Variants in SH3GL2 observed in about 807,000 individuals in gnomAD.
SH3GL2 encodes SH3 domain containing GRB2 like 2, endophilin A1.
In SH3GL2, 24 loss-of-function variants were observed where a neutral mutation model predicts 46.0. That is an observed-to-expected ratio of 0.52 (90% CI 0.38 to 0.73). The LOEUF (loss-of-function observed/expected upper bound fraction) is 0.73, where lower values mean the gene tolerates loss of function less well. SH3GL2 is among the 30% of genes least tolerant of loss of function. SH3GL2 has a pLI of 0.00. For synonymous variants in SH3GL2, 196 were observed against 147.1 expected, an observed-to-expected ratio of 1.33 and a Z score of -2.40; for missense variants, 413 against 424.2, an observed-to-expected ratio of 0.97 and a Z score of 0.23.
At chr9:17,646,155 T>G (rs565516883) in intron 1 of SH3GL2, among the ~76,000 whole-genome samples, 1 of 151,962 alleles carries the variant, frequency 6.6e-6, no homozygotes, top group Admixed American at 6.6e-5. Context: ...TTCTTCTGCT[T>G]GATCGATTTG....
In SH3GL2 at chr9:17,659,686, A is replaced by G. The variant is rs185977793; in HGVS notation, c.45+80399A>G. On this transcript the variant is annotated intron_variant, in intron 1 of 8. Coordinates refer to ENST00000380607, the MANE Select transcript of SH3GL2 (RefSeq NM_003026.5). The stretch of plus-strand genomic sequence containing the variant: ...ACTCTCAGAGTTTACTGATTATTTC[A>G]TCAGATGTGGCTCAGAATTAGTGTT... 2.0e-5 allele frequency among the ~76,000 whole-genome samples: 3 copies of G among 152,296 alleles called. No homozygotes were observed. The East Asian group carries it at 5.8e-4, about 29-fold the overall frequency.
chr9:17,665,750 G>A (rs1820326112), intron 1 of SH3GL2, among the ~76,000 whole-genome samples: 1 of 151,582 alleles, frequency 6.6e-6, no homozygotes, highest in African/African-American at 2.4e-5. Flanking sequence ...ACTGGAGAGT[G>A]GTGTTCAGGT....
intron 1 of SH3GL2, among the ~76,000 whole-genome samples, chr9:17,641,694 G>C (rs531827966): frequency 1.3e-5 from 2 of 152,192 alleles, no homozygotes; most frequent in South Asian, 4.2e-4. Flanking sequence ...TGTGGTGTTT[G>C]GTTTTCTGTT....
intron 1 of SH3GL2, among the ~76,000 whole-genome samples, chr9:17,735,526 A>G (rs1160494193): frequency 1.3e-5 from 2 of 151,932 alleles, no homozygotes; most frequent in Admixed American, 6.6e-5. Context: ...TTTTTTTTTC[A>G]ACCAAACGTG....
At position 17,636,409 on chromosome 9, in the gene SH3GL2, C is replaced by T. The variant is rs140077841; in HGVS notation, c.45+57122C>T. On this transcript the variant is annotated intron_variant, in intron 1 of 8. Coordinates refer to ENST00000380607, the MANE Select transcript of SH3GL2 (RefSeq NM_003026.5). ...TCCAAACAATATTATATTGCCCTTCCTGCTAAACTGTTTGTGTACGGAAAC... is the reference window on the plus strand; with the variant it reads ...TCCAAACAATATTATATTGCCCTTCTTGCTAAACTGTTTGTGTACGGAAAC... 2.5e-3 allele frequency among the ~76,000 whole-genome samples: 380 copies of T among 152,208 alleles called. 1 individual carries two copies. Among genetic ancestry groups the T allele is most frequent in the Non-Finnish European group, 4.5e-3 (307 of 68,012 alleles).
At chr9:17,606,393 AC>A (rs1212108073) in intron 1 of SH3GL2, among the ~76,000 whole-genome samples, 1 of 151,944 alleles carries the variant, frequency 6.6e-6, no homozygotes, top group Non-Finnish European at 1.5e-5. Flanking sequence ...GCCCGCTCAG[AC>A]CCCACAACTC....
chr9:17,709,437 C>A (rs1279344252), intron 1 of SH3GL2, among the ~76,000 whole-genome samples: 1 of 151,884 alleles, frequency 6.6e-6, no homozygotes, highest in African/African-American at 2.4e-5. Context: ...TGATACCCCT[C>A]AGCAGAGAGA....
intron 2 of SH3GL2, among the ~76,000 whole-genome samples, chr9:17,757,899 C>A (rs902675434): frequency 6.6e-6 from 1 of 152,148 alleles, no homozygotes; most frequent in Admixed American, 6.5e-5. Flanking sequence ...AAGGCACATT[C>A]AGGGGTCTCA....
At chr9:17,627,731 A>T (rs1040195689) in intron 1 of SH3GL2, among the ~76,000 whole-genome samples, 1 of 152,236 alleles carries the variant, frequency 6.6e-6, no homozygotes, top group African/African-American at 2.4e-5. Flanking sequence ...AACTGTGTAG[A>T]CAAAGGATAA....
intron 1 of SH3GL2, among the ~76,000 whole-genome samples, chr9:17,660,495 A>G (rs1377809137): frequency 1.3e-5 from 2 of 152,216 alleles, no homozygotes; most frequent in East Asian, 3.9e-4. Flanking sequence ...ATGTTGCACT[A>G]GGTGTGATAT....
chr9:17,705,733 A>G (rs1471344649), intron 1 of SH3GL2, among the ~76,000 whole-genome samples: 10 of 152,016 alleles, frequency 6.6e-5, no homozygotes, highest in African/African-American at 2.2e-4. Flanking sequence ...GTTCAGGTAT[A>G]AGTGGGAGCT....
At chr9:17,641,536 AC>A (rs1270586465) in intron 1 of SH3GL2, among the ~76,000 whole-genome samples, 3 of 152,122 alleles carry the variant, frequency 2.0e-5, no homozygotes, top group Non-Finnish European at 4.4e-5. Flanking sequence ...AGTTTGCTGC[AC>A]CCATCAACCC....
At chr9:17,743,148 A>G (rs1440169114) in intron 1 of SH3GL2, among the ~76,000 whole-genome samples, 1 of 152,220 alleles carries the variant, frequency 6.6e-6, no homozygotes, top group Admixed American at 6.5e-5. Context: ...TGCATAAAAC[A>G]AAAGGAAGTT....
chr9:17,634,319 T>C lies in SH3GL2; in HGVS notation c.45+55032T>C, dbSNP rs568933766. Among the ~76,000 whole-genome samples the C allele has an allele frequency of 5.3e-5, 8 of 152,008 alleles. No homozygotes were observed. The South Asian group carries it at 1.0e-3, about 20-fold the overall frequency. ...TTGTTACCAGGGTATTCCTTTTAAC[T>C]ATGAGAAATCAGAAAAATACAGAAA... On this transcript the variant is annotated intron_variant, in intron 1 of 8. Transcript: ENST00000380607.
At chr9:17,732,999 C>G (rs1464357366) in intron 1 of SH3GL2, among the ~76,000 whole-genome samples, 1 of 152,052 alleles carries the variant, frequency 6.6e-6, no homozygotes, top group Non-Finnish European at 1.5e-5. Flanking sequence ...TCACTTCACT[C>G]CCCACGTCCT....
At chr9:17,593,678 A>G (rs935061626) in intron 1 of SH3GL2, among the ~76,000 whole-genome samples, 1 of 152,164 alleles carries the variant, frequency 6.6e-6, no homozygotes, top group Admixed American at 6.6e-5. Flanking sequence ...GTATTTAATT[A>G]TATTTTAGAA....
intron 1 of SH3GL2, among the ~76,000 whole-genome samples, chr9:17,662,627 G>A (rs1285759055): frequency 1.3e-5 from 2 of 151,526 alleles, no homozygotes; most frequent in Admixed American, 6.6e-5. Context: ...TGGCATGTTA[G>A]CATGCAGAAT....
intron 1 of SH3GL2, 29 bp from the exon 2 acceptor site, chr9:17,747,037 T>C: frequency 6.8e-7 from 1 of 1,470,250 alleles, no homozygotes; most frequent in South Asian, 1.2e-5. Context: ...CTGTTTATAA[T>C]AATTCTCCTT....
chr9:17,580,248 C>G (rs1818253050), intron 1 of SH3GL2, among the ~76,000 whole-genome samples: 1 of 152,070 alleles, frequency 6.6e-6, no homozygotes, highest in Non-Finnish European at 1.5e-5. Context: ...TGACTTACCG[C>G]GAAATGTTTT....
Sources: allele counts gnomAD v4.1 joint callset (sites outside exome capture counted in the v4.1 genomes callset), GRCh38; gene constraint gnomAD v4.1.1; transcripts MANE v1.5; gene names NCBI Gene and HGNC (gene_info 2026-07-23, HGNC 2026-07-21).